Variants in ANKUB1 observed in about 807,000 individuals in gnomAD.
ANKUB1 encodes the protein ankyrin repeat and ubiquitin domain containing 1.
A neutral mutation model predicts 49.3 loss-of-function variants in ANKUB1; 42 were observed. The observed-to-expected ratio is 0.85, with a 90% CI of 0.67 to 1.10. The LOEUF (loss-of-function observed/expected upper bound fraction) is 1.10. ANKUB1 is among the 50% of genes least tolerant of loss of function. The pLI is 0.00. For missense variants in ANKUB1, 613 were observed against 642.0 expected, an observed-to-expected ratio of 0.95 and a Z score of 0.49; for synonymous variants, 222 against 231.0, an observed-to-expected ratio of 0.96 and a Z score of 0.35.
At chr3:149,791,819 CA>C (rs1298488499) in intron 1 of ANKUB1, among the ~76,000 whole-genome samples, 2 of 152,162 alleles carry the variant, frequency 1.3e-5, no homozygotes, top group African/African-American at 4.8e-5. Context: ...TTTCTGAATG[CA>C]AAATGAAGCC....
At chr3:149,773,788 A>G (rs551700021) in intron 3 of ANKUB1, among the ~76,000 whole-genome samples, 5 of 152,268 alleles carry the variant, frequency 3.3e-5, no homozygotes, top group African/African-American at 1.2e-4. Context: ...AGTCCTCCAC[A>G]GCCGAGGCTA....
chr3:149,775,206 C>G (rs1440534113), intron 3 of ANKUB1, among the ~76,000 whole-genome samples: 1 of 152,146 alleles, frequency 6.6e-6, no homozygotes, highest in Non-Finnish European at 1.5e-5. Context: ...TTTCTGGATT[C>G]CTCGTTCATA....
intron 5 of ANKUB1, chr3:149,766,645 A>G (rs1717028189): frequency 2.0e-6 from 1 of 507,790 alleles, no homozygotes; most frequent in Non-Finnish European, 3.6e-6. Flanking sequence ...ACAGAAAAAA[A>G]AAATCAATCA....
At chr3:149,779,612 A>T (rs1357523125) in intron 3 of ANKUB1, 3 of 152,422 alleles carry the variant, frequency 2.0e-5, no homozygotes, top group African/African-American at 4.8e-5. Flanking sequence ...GCAACATTTT[A>T]AGATGAAATT....
At position 149,761,618 on chromosome 3, in the gene ANKUB1, A is replaced by C; in HGVS notation, c.1506-5T>G. 1 of 1,550,470 alleles carries C rather than the reference A, an allele frequency of 6.4e-7. No individual in the cohort carries two copies. Among genetic ancestry groups the C allele is most frequent in the Non-Finnish European group, 8.7e-7 (1 of 1,146,428 alleles). ...CATCGTTTCTCTTTAAAGGCACTGC[A>C]AGAAAACAAGATATAATTTGTAAGG... On this transcript the variant is annotated splice_polypyrimidine_tract_variant and splice_region_variant and intron_variant, in intron 5 of 5. Transcript: ENST00000446160.
chr3:149,792,442 T>C lies in ANKUB1; in HGVS notation c.-76A>G. ...CCTGGATGGCTAGAAAAATTCCGGTTCACAATTAAGGACAAAAATGATAGC... is the reference window on the plus strand; with the variant it reads ...CCTGGATGGCTAGAAAAATTCCGGTCCACAATTAAGGACAAAAATGATAGC... On this transcript the variant is annotated 5_prime_UTR_variant, in exon 1 of 6. Coordinates refer to ENST00000446160, the MANE Select transcript of ANKUB1 (RefSeq NM_001144960.3). The C allele has an allele frequency of 8.2e-7, 1 of 1,225,068 alleles. No individual in the cohort carries two copies. Among genetic ancestry groups the C allele is most frequent in the South Asian group, 1.8e-5 (1 of 56,672 alleles). The allele number at this position is 1,225,068 out of a possible 1,614,324, so 75.9% of individuals were successfully genotyped here. A position where few individuals can be genotyped will look rare whatever the true frequency, so the allele number is the denominator to read the frequency against.
intron 3 of ANKUB1, among the ~76,000 whole-genome samples, chr3:149,772,168 C>G (rs556271507): frequency 1.3e-5 from 2 of 152,030 alleles, no homozygotes; most frequent in Non-Finnish European, 2.9e-5. Flanking sequence ...GGATTACAGG[C>G]CACCATGCTC....
At chr3:149,776,440 C>A (rs1717599214) in intron 3 of ANKUB1, among the ~76,000 whole-genome samples, 1 of 152,164 alleles carries the variant, frequency 6.6e-6, no homozygotes, top group African/African-American at 2.4e-5. Flanking sequence ...ATCTGCTAAC[C>A]CAAACCATCA....
chr3:149,767,363 T>C lies in ANKUB1; in HGVS notation c.1299A>G (p.Thr433=), dbSNP rs763147585. 3 of 1,550,966 alleles carry C rather than the reference T, an allele frequency of 1.9e-6. No individual in the cohort carries two copies. Among genetic ancestry groups the C allele is most frequent in the Non-Finnish European group, 2.6e-6 (3 of 1,146,840 alleles). Residue 433 remains threonine, a synonymous_variant, in exon 5 of 6, where the codon ACA becomes ACG. Coordinates refer to ENST00000446160, the MANE Select transcript of ANKUB1 (RefSeq NM_001144960.3). ...QQQNQKKITA[T]ARKKEKLIKN... is the part of the protein sequence containing the mutation. ...TTATGAGCTTTTCTTTTTTCCTAGC[T>C]GTGGCAGTAATTTTTTTCTGATTTT...
rs1277576808 is a variant in ANKUB1 at position 149,788,766 on chromosome 3, TTTTTC to T, written c.234+2010_234+2014del. ...GGGCCAGAGAAGGGAGAGTTTTTTC[TTTTTC>T]TTTTCTTTTCTTTTTCTTTTTTTGA... On this transcript the variant is annotated intron_variant, in intron 2 of 5. Coordinates refer to ENST00000446160, the MANE Select transcript of ANKUB1 (RefSeq NM_001144960.3). Among the ~76,000 whole-genome samples the T allele has an allele frequency of 4.6e-5, 7 of 152,012 alleles. No homozygotes were observed. In the East Asian group the frequency reaches 7.7e-4, roughly 17 times the overall value.
At chr3:149,780,192 G>T in intron 3 of ANKUB1, 47 bp downstream of exon 3, 2 of 1,484,162 alleles carry the variant, frequency 1.3e-6, no homozygotes, top group South Asian at 1.2e-5. Flanking sequence ...GGTATCAAAG[G>T]ACCCTAGTGC....
intron 2 of ANKUB1, among the ~76,000 whole-genome samples, chr3:149,784,547 C>T (rs1422689321): frequency 6.6e-6 from 1 of 152,182 alleles, no homozygotes; most frequent in African/African-American, 2.4e-5. Context: ...GTAGTGGTGA[C>T]CTTCCCAGAT....
intron 2 of ANKUB1, among the ~76,000 whole-genome samples, chr3:149,784,197 A>T (rs1717986994): frequency 1.3e-5 from 2 of 152,178 alleles, no homozygotes; most frequent in South Asian, 4.1e-4. Context: ...GGATGTCAGG[A>T]GGGATTAACT....
intron 2 of ANKUB1, among the ~76,000 whole-genome samples, chr3:149,784,273 G>T (rs1717993638): frequency 1.3e-5 from 2 of 152,140 alleles, no homozygotes; most frequent in African/African-American, 2.4e-5. Flanking sequence ...AAACCAGAAG[G>T]AGTCCTAGGG....
intron 2 of ANKUB1, among the ~76,000 whole-genome samples, chr3:149,781,523 G>C (rs1717869569): frequency 6.6e-6 from 1 of 152,184 alleles, no homozygotes; most frequent in Non-Finnish European, 1.5e-5. Context: ...GACTCTCTCA[G>C]AACCTGGTAT....
chr3:149,792,089 C>T (rs1022875263), intron 1 of ANKUB1, among the ~76,000 whole-genome samples, 188 bp downstream of exon 1: 2 of 151,778 alleles, frequency 1.3e-5, no homozygotes, highest in African/African-American at 4.8e-5. Flanking sequence ...CTTTCTTGTC[C>T]AACACTACCA....
At chr3:149,773,242 C>T (rs1188620570) in intron 3 of ANKUB1, among the ~76,000 whole-genome samples, 1 of 152,174 alleles carries the variant, frequency 6.6e-6, no homozygotes, top group African/African-American at 2.4e-5. Flanking sequence ...ATTGGACATT[C>T]TATGTTATAA....
Position 149,775,146 on chromosome 3 carries a change from A to G in ANKUB1, c.452-4472T>C, listed in dbSNP as rs564573670. 9.2e-5 allele frequency among the ~76,000 whole-genome samples: 14 copies of G among 152,302 alleles called. No homozygotes were observed. The East Asian group carries it at 2.7e-3, about 29-fold the overall frequency. ...ACAGCAGATGGGAGCAACAGTGCCT[A>G]TTTAGGCAATCATCTTCAACCTTGC... On this transcript the variant is annotated intron_variant, in intron 3 of 5. Transcript: ENST00000446160.
chr3:149,762,154 C>G (rs555146561), intron 5 of ANKUB1, among the ~76,000 whole-genome samples: 40 of 152,280 alleles, frequency 2.6e-4, no homozygotes, highest in African/African-American at 9.1e-4. Context: ...TTTACATCAC[C>G]TTAAATGTTG....
Sources: allele counts gnomAD v4.1 joint callset (sites outside exome capture counted in the v4.1 genomes callset), GRCh38; gene constraint gnomAD v4.1.1; transcripts MANE v1.5; gene names NCBI Gene and HGNC (gene_info 2026-07-23, HGNC 2026-07-21).